Variants in GTF3C1 observed in about 807,000 individuals in gnomAD.
GTF3C1 encodes general transcription factor 3C polypeptide 1.
Under a neutral mutation model 226.7 loss-of-function variants are expected in GTF3C1, and 57 were observed. That is an observed-to-expected ratio of 0.25 (90% CI 0.20 to 0.31). The LOEUF is 0.31. GTF3C1 is among the 10% of genes least tolerant of loss of function. The probability of loss-of-function intolerance (pLI) is 1.00; values close to 1 mark genes in which losing one functional copy is unlikely to be tolerated. For synonymous variants in GTF3C1, 1,090 were observed against 1,084.8 expected, an observed-to-expected ratio of 1.00 and a Z score of -0.09; for missense variants, 2,217 against 2,776.1, an observed-to-expected ratio of 0.80 and a Z score of 4.53.
intron 28 of GTF3C1, 61 bp downstream of exon 28, chr16:27,478,408 G>A (rs1283561331): frequency 8.6e-7 from 1 of 1,159,050 alleles, no homozygotes; most frequent in Non-Finnish European, 1.3e-6. Context: ...AGTGCAATAG[G>A]TTGTCAGCCA....
At chr16:27,535,347 C>T (rs1050112743) in intron 4 of GTF3C1, among the ~76,000 whole-genome samples, 4 of 151,980 alleles carry the variant, frequency 2.6e-5, no homozygotes, top group Non-Finnish European at 4.4e-5. Context: ...CCGAGGTGGG[C>T]GTATCACCTG....
At chr16:27,493,822 CTA>C (rs538961804) in intron 16 of GTF3C1, among the ~76,000 whole-genome samples, 1 of 152,132 alleles carries the variant, frequency 6.6e-6, no homozygotes, top group Non-Finnish European at 1.5e-5. Context: ...CATAAGAATA[CTA>C]TGACTCTACT....
At chr16:27,488,873 G>C (rs547102803) in intron 21 of GTF3C1, among the ~76,000 whole-genome samples, 170 bp downstream of exon 21, 2 of 152,184 alleles carry the variant, frequency 1.3e-5, no homozygotes, top group Non-Finnish European at 2.9e-5. Flanking sequence ...ACGTCACAGC[G>C]TAAGTTAGCA....
At chr16:27,534,076 C>T (rs1231506992) in intron 4 of GTF3C1, among the ~76,000 whole-genome samples, 5 of 152,168 alleles carry the variant, frequency 3.3e-5, no homozygotes, top group Admixed American at 6.5e-5. Flanking sequence ...ACACACTTTA[C>T]GAAGTTCAGG....
At chr16:27,483,837 CT>C (rs1440739839) in intron 25 of GTF3C1, among the ~76,000 whole-genome samples, 1 of 152,224 alleles carries the variant, frequency 6.6e-6, no homozygotes, top group African/African-American at 2.4e-5. Context: ...CCAATCAGAG[CT>C]CTCAGGAACT....
chr16:27,470,863 C>A lies in GTF3C1; in HGVS notation c.4527-468G>T, dbSNP rs2087856672. ...AGAGCAACATTCCATGACCCTGCTA[C>A]CAGGGTCAGAGGGAGGGACCAAAAA... On this transcript the variant is annotated intron_variant, in intron 30 of 36. Coordinates refer to ENST00000356183, the MANE Select transcript of GTF3C1 (RefSeq NM_001520.4). The surrounding 1 kb of genome is among the most constrained non-coding windows in gnomAD (Gnocchi z 4.9). 5.9e-6 allele frequency: 1 copy of A among 169,446 alleles called. No individual in the cohort carries two copies. The allele number at this position is 169,446 out of a possible 1,614,324, so 10.5% of individuals were successfully genotyped here. A position where few individuals can be genotyped will look rare whatever the true frequency, so the allele number is the denominator to read the frequency against.
intron 10 of GTF3C1, among the ~76,000 whole-genome samples, chr16:27,505,484 G>C (rs1174546084): frequency 6.6e-6 from 1 of 152,178 alleles, no homozygotes; most frequent in Non-Finnish European, 1.5e-5. Context: ...GTGGCACTGA[G>C]AACTGTCTCC....
intron 6 of GTF3C1, among the ~76,000 whole-genome samples, chr16:27,513,737 T>C (rs2088612301): frequency 6.6e-6 from 1 of 152,164 alleles, no homozygotes; most frequent in Non-Finnish European, 1.5e-5. Flanking sequence ...AGGTTGGTGG[T>C]AATTTGTTAC....
At chr16:27,467,970 G>A (rs745475449) in intron 32 of GTF3C1, among the ~76,000 whole-genome samples, 7 of 151,972 alleles carry the variant, frequency 4.6e-5, no homozygotes, top group African/African-American at 7.3e-5. Flanking sequence ...TTCTGGAAAG[G>A]AGCCACCATT....
At chr16:27,535,550 A>G (rs938832303) in intron 4 of GTF3C1, among the ~76,000 whole-genome samples, 1 of 150,884 alleles carries the variant, frequency 6.6e-6, no homozygotes, top group Non-Finnish European at 1.5e-5. Flanking sequence ...GCTCCAGCCT[A>G]GGCAACCAAA....
intron 5 of GTF3C1, among the ~76,000 whole-genome samples, chr16:27,531,421 T>C (rs1353883038): frequency 2.6e-5 from 4 of 152,258 alleles, no homozygotes; most frequent in Non-Finnish European, 1.5e-5. Flanking sequence ...ACTGTGCTTT[T>C]GGCACAGCTC....
At chr16:27,472,906 G>A (rs888129789) in intron 29 of GTF3C1, among the ~76,000 whole-genome samples, 3 of 152,138 alleles carry the variant, frequency 2.0e-5, no homozygotes, top group Non-Finnish European at 4.4e-5. Flanking sequence ...GAAGTCCCAG[G>A]AGAACACAGA....
intron 6 of GTF3C1, among the ~76,000 whole-genome samples, chr16:27,526,796 G>A (rs1056561803): frequency 1.3e-5 from 2 of 152,244 alleles, no homozygotes; most frequent in South Asian, 2.1e-4. Flanking sequence ...TTTGGGTGGA[G>A]TGCATATAAA....
chr16:27,514,204 A>G (rs2088619708), intron 6 of GTF3C1, among the ~76,000 whole-genome samples: 1 of 152,208 alleles, frequency 6.6e-6, no homozygotes. Context: ...CATTAGAGGC[A>G]ATCTAAGGCC....
At chr16:27,543,622 TC>T (rs537031337) in intron 2 of GTF3C1, among the ~76,000 whole-genome samples, 21 of 152,182 alleles carry the variant, frequency 1.4e-4, no homozygotes, top group African/African-American at 4.8e-4. Flanking sequence ...AGTCTTTAAC[TC>T]CCAGCCTCAA....
chr16:27,526,627 A>C (rs1030675623), intron 6 of GTF3C1, among the ~76,000 whole-genome samples: 2 of 152,238 alleles, frequency 1.3e-5, no homozygotes, highest in Admixed American at 6.5e-5. Context: ...CTTCACAGGC[A>C]CTTAGCTTTC....
chr16:27,494,758 A>G lies in GTF3C1; in HGVS notation c.2778+5T>C, dbSNP rs1250130479. ...TCCTGTGATAATGGCTCCTGTCACC[A>G]ATACCTTGTAGCTGACTTGCACAAT... On this transcript the variant is annotated splice_donor_5th_base_variant and intron_variant, in intron 16 of 36. Transcript: ENST00000356183. 4 of 1,609,298 alleles carry G rather than the reference A, an allele frequency of 2.5e-6. No individual in the cohort carries two copies. In the East Asian group the frequency reaches 8.9e-5, roughly 36 times the overall value.
At position 27,462,440 on chromosome 16, in the gene GTF3C1, C is replaced by CCACGA; in HGVS notation, c.5966_5970dup (p.Asp1991SerfsTer6). The CCACGA allele has an allele frequency of 6.2e-7, 1 of 1,613,590 alleles. No homozygotes were observed. Among genetic ancestry groups the CCACGA allele is most frequent in the Non-Finnish European group, 8.5e-7 (1 of 1,179,774 alleles). On this transcript the variant is annotated frameshift_variant, in exon 36 of 37. Transcript: ENST00000356183. LOFTEE classifies it high-confidence loss of function. This position sits in a 1 kb window ranked among gnomAD's most constrained non-coding sequence, Gnocchi z 4.5. ...CATACAGGAAGGTTCAGGTGGCCATCCACGACACGCCACGGCCGGCCGATG... is the reference window on the plus strand; with the variant it reads ...CATACAGGAAGGTTCAGGTGGCCATCCACGACACGACACGCCACGGCCGGCCGATG...
At chr16:27,489,236 G>C in intron 20 of GTF3C1, 58 bp from the exon 21 acceptor site, 1 of 1,585,340 alleles carries the variant, frequency 6.3e-7, no homozygotes. Context: ...GAAAAAGAGA[G>C]CCCATGGCAT....
Sources: allele counts gnomAD v4.1 joint callset (sites outside exome capture counted in the v4.1 genomes callset), GRCh38; gene constraint gnomAD v4.1.1; non-coding constraint Gnocchi (gnomAD v3.1); transcripts MANE v1.5; gene names NCBI Gene and HGNC (gene_info 2026-07-23, HGNC 2026-07-21).